ROCK1: variants seen among roughly 807,000 people sequenced by gnomAD.
ROCK1 encodes Rho associated coiled-coil containing protein kinase 1.
A neutral mutation model predicts 196.8 loss-of-function variants in ROCK1; 36 were observed. The observed-to-expected ratio is 0.18, with a 90% CI of 0.14 to 0.24. ROCK1 has a LOEUF of 0.24. ROCK1 is among the 10% of genes least tolerant of loss of function. ROCK1 has a pLI of 1.00. For missense variants in ROCK1, 920 were observed against 1,562.0 expected (o/e 0.59, Z 6.93); for synonymous variants, 443 against 515.9 (o/e 0.86, Z 1.91).
At chr18:21,046,146 G>A (rs78270495) in intron 4 of ROCK1, among the ~76,000 whole-genome samples, 9 of 152,078 alleles carry the variant, frequency 5.9e-5, no homozygotes, top group South Asian at 4.1e-4. Flanking sequence ...TCCTGACCTC[G>A]TGATCCGCCC....
At position 20,951,293 on chromosome 18, in the gene ROCK1, A is replaced by G; in HGVS notation, c.*91T>C. The G allele has an allele frequency of 8.4e-7, 1 of 1,196,860 alleles. No individual in the cohort carries two copies. Among genetic ancestry groups the G allele is most frequent in the South Asian group, 1.6e-5 (1 of 63,900 alleles). The allele number at this position is 1,196,860 out of a possible 1,614,324, so 74.1% of individuals were successfully genotyped here. A position where few individuals can be genotyped will look rare whatever the true frequency, so the allele number is the denominator to read the frequency against. ...CCCTGAAGCCTGTGATATTTGTGTC[A>G]AAGAAACAGCCTGTCTGCTCTGCAT... On this transcript the variant is annotated 3_prime_UTR_variant, in exon 33 of 33. Coordinates refer to ENST00000399799, the MANE Select transcript of ROCK1 (RefSeq NM_005406.3).
intron 8 of ROCK1, among the ~76,000 whole-genome samples, chr18:21,041,775 T>C (rs1244925518): frequency 2.6e-5 from 4 of 152,102 alleles, no homozygotes; most frequent in Non-Finnish European, 4.4e-5. Context: ...ATTTCAGAGA[T>C]GTTATGTTAA....
chr18:20,967,605 C>T, intron 26 of ROCK1, 147 bp downstream of exon 26: 1 of 561,388 alleles, frequency 1.8e-6, no homozygotes, highest in South Asian at 4.0e-5. Context: ...TTATAACAGC[C>T]ATATCCCAAT....
chr18:20,967,961 A>G (rs936305643), intron 25 of ROCK1, 21 bp from the exon 26 acceptor site: 3 of 1,458,886 alleles, frequency 2.1e-6, no homozygotes, highest in Non-Finnish European at 2.8e-6. Flanking sequence ...ATTATTAATA[A>G]AGATCAATAG....
chr18:20,987,251 T>G (rs932767961), intron 18 of ROCK1, 141 bp from the exon 19 acceptor site: 5 of 679,420 alleles, frequency 7.4e-6, no homozygotes, highest in Admixed American at 7.0e-5. Flanking sequence ...ATTATAGAAA[T>G]TCTCACATTA....
chr18:21,004,909 A>G (rs2035755595), intron 16 of ROCK1, among the ~76,000 whole-genome samples: 1 of 152,190 alleles, frequency 6.6e-6, no homozygotes, highest in South Asian at 2.1e-4. Flanking sequence ...TCAGCTAAGA[A>G]CCAACAGGAG....
intron 22 of ROCK1, among the ~76,000 whole-genome samples, chr18:20,974,204 G>A (rs2035457827): frequency 6.6e-6 from 1 of 152,162 alleles, no homozygotes; most frequent in Non-Finnish European, 1.5e-5. Flanking sequence ...CTGATTTTTA[G>A]GAAGCAAGGC....
intron 17 of ROCK1, among the ~76,000 whole-genome samples, chr18:20,991,666 A>C (rs2035627595): frequency 6.6e-6 from 1 of 150,984 alleles, no homozygotes. Context: ...ATGAGGTCTC[A>C]CTCTGTCACC....
chr18:20,996,385 G>C (rs1385429068), intron 16 of ROCK1, among the ~76,000 whole-genome samples: 2 of 151,994 alleles, frequency 1.3e-5, no homozygotes, highest in Non-Finnish European at 2.9e-5. Context: ...AGACAAAAAA[G>C]AATTAAAAAG....
chr18:21,085,748 T>G (rs917529545), intron 1 of ROCK1, among the ~76,000 whole-genome samples: 1 of 152,220 alleles, frequency 6.6e-6, no homozygotes, highest in Admixed American at 6.5e-5. Flanking sequence ...CATGTGATCT[T>G]GAGCAAGTTA....
rs1230876338 is a variant in ROCK1, at chr18:20,948,015, C to T, written c.*3369G>A. 6.6e-6 allele frequency: 1 copy of T among 151,942 alleles called. No individual in the cohort carries two copies. Among genetic ancestry groups the T allele is most frequent in the Non-Finnish European group, 1.5e-5 (1 of 68,020 alleles). 9.4% of individuals were successfully genotyped at this position (151,942 alleles called of 1,614,324 possible). ...ATCCCAGCTACTCGGGAGTCTGAGGCAGGAGGATCACTTGAACCTGGGAGG... is the reference window on the plus strand; with the variant it reads ...ATCCCAGCTACTCGGGAGTCTGAGGTAGGAGGATCACTTGAACCTGGGAGG... On this transcript the variant is annotated 3_prime_UTR_variant, in exon 33 of 33. Transcript: ENST00000399799.
intron 5 of ROCK1, 104 bp downstream of exon 5, chr18:21,045,188 G>T: frequency 9.4e-7 from 1 of 1,058,524 alleles, no homozygotes; most frequent in Non-Finnish European, 1.3e-6. Context: ...GGTCACTTAT[G>T]TCATACGGAA....
intron 25 of ROCK1, 158 bp downstream of exon 25, chr18:20,968,614 C>G: frequency 3.5e-6 from 2 of 577,910 alleles, no homozygotes; most frequent in Non-Finnish European, 6.2e-6. Flanking sequence ...CCTTGAAATT[C>G]TATTTCACAA....
intron 13 of ROCK1, among the ~76,000 whole-genome samples, chr18:21,012,006 C>T (rs1047368375): frequency 6.6e-6 from 1 of 152,218 alleles, no homozygotes; most frequent in Middle Eastern, 3.4e-3. Flanking sequence ...TGCAGTGGTG[C>T]GCTTGGCTCA....
At chr18:21,093,833 G>A (rs767701471) in intron 1 of ROCK1, among the ~76,000 whole-genome samples, 2 of 152,040 alleles carry the variant, frequency 1.3e-5, no homozygotes, top group African/African-American at 2.4e-5. Context: ...GTGTGCACCT[G>A]TAGTCCCAGC....
chr18:20,957,656 A>G, intron 29 of ROCK1, among the ~76,000 whole-genome samples: 1 of 151,706 alleles, frequency 6.6e-6, no homozygotes, highest in Non-Finnish European at 1.5e-5. Context: ...AATTTTTTGT[A>G]TTTTTAGTAG....
intron 11 of ROCK1, among the ~76,000 whole-genome samples, chr18:21,020,594 G>A (rs288983): frequency 0.022 from 3,410 of 152,148 alleles, 122 homozygotes; most frequent in African/African-American, 0.077. Context: ...AATTATCTAC[G>A]GAGTGTTCCA....
chr18:20,972,773 G>A (rs1057191231), intron 22 of ROCK1, among the ~76,000 whole-genome samples: 7 of 152,194 alleles, frequency 4.6e-5, no homozygotes, highest in African/African-American at 1.7e-4. Flanking sequence ...AAGTATGACT[G>A]GAGTGAGCTC....
At chr18:21,110,468 T>G (rs2036740995) in intron 1 of ROCK1, among the ~76,000 whole-genome samples, 1 of 152,144 alleles carries the variant, frequency 6.6e-6, no homozygotes, top group Non-Finnish European at 1.5e-5. Flanking sequence ...TCAGAAAGAT[T>G]AACATTAATT....
Sources: allele counts gnomAD v4.1 joint callset (sites outside exome capture counted in the v4.1 genomes callset), GRCh38; gene constraint gnomAD v4.1.1; transcripts MANE v1.5; gene names NCBI Gene and HGNC (gene_info 2026-07-23, HGNC 2026-07-21).